The following LRP1B variants were observed in gnomAD, a reference collection of about 807,000 sequenced individuals.
LRP1B encodes the protein LDL receptor related protein 1B.
A neutral mutation model predicts 556.6 loss-of-function variants in LRP1B; 217 were observed. That is an observed-to-expected ratio of 0.39 (90% CI 0.35 to 0.44). The LOEUF is 0.44. Ranked by LOEUF, LRP1B falls within the 20% of genes least tolerant of loss-of-function variation. The probability of loss-of-function intolerance (pLI) is 1.00; values close to 1 mark genes in which losing one functional copy is unlikely to be tolerated. For missense variants in LRP1B, 5,053 were observed against 5,620.8 expected (o/e 0.90, Z 3.23); for synonymous variants, 2,047 against 1,865.8 (o/e 1.10, Z -2.50).
At chr2:141,323,873 A>C (rs1477366784) in intron 3 of LRP1B, among the ~76,000 whole-genome samples, 6 of 151,190 alleles carry the variant, frequency 4.0e-5, no homozygotes, top group Admixed American at 1.3e-4. Flanking sequence ...ACATACACAC[A>C]TACCTGAACA....
At chr2:141,099,383 T>C (rs1463225607) in intron 7 of LRP1B, among the ~76,000 whole-genome samples, 1 of 152,224 alleles carries the variant, frequency 6.6e-6, no homozygotes, top group African/African-American at 2.4e-5. Context: ...AAACAGTAAT[T>C]TAATTGTGGA....
intron 53 of LRP1B, among the ~76,000 whole-genome samples, chr2:140,505,214 C>T (rs1689358875): frequency 6.6e-6 from 1 of 152,078 alleles, no homozygotes; most frequent in South Asian, 2.1e-4. Context: ...ACATTTAAGC[C>T]TTTTTATTAA....
At chr2:140,898,262 G>A (rs1204143729) in intron 23 of LRP1B, among the ~76,000 whole-genome samples, 1 of 152,022 alleles carries the variant, frequency 6.6e-6, no homozygotes, top group Non-Finnish European at 1.5e-5. Flanking sequence ...GGGTCTTTGG[G>A]TCTTCATTCT....
intron 35 of LRP1B, among the ~76,000 whole-genome samples, chr2:140,741,700 T>C (rs1688143916): frequency 6.6e-6 from 1 of 151,730 alleles, no homozygotes; most frequent in East Asian, 1.9e-4. Flanking sequence ...ATGTACTCAA[T>C]GTTTAACTCC....
chr2:141,867,258 A>C (rs1470068468), intron 1 of LRP1B, among the ~76,000 whole-genome samples: 3 of 152,060 alleles, frequency 2.0e-5, no homozygotes, highest in Non-Finnish European at 4.4e-5. Flanking sequence ...ATCTTTGAAC[A>C]CTGCCTTTCT....
At chr2:140,884,297 G>C (rs756652131) in intron 24 of LRP1B, among the ~76,000 whole-genome samples, 1 of 150,990 alleles carries the variant, frequency 6.6e-6, no homozygotes, top group Non-Finnish European at 1.5e-5. Flanking sequence ...CAACGTTGAG[G>C]TTGCAAAAAA....
chr2:141,454,201 T>A (rs538009176), intron 3 of LRP1B, among the ~76,000 whole-genome samples: 1 of 152,356 alleles, frequency 6.6e-6, no homozygotes, highest in South Asian at 2.1e-4. Context: ...GTTAAGAGAC[T>A]ATAATTTTGT....
intron 9 of LRP1B, among the ~76,000 whole-genome samples, chr2:141,055,604 A>T (rs183703421): frequency 2.5e-4 from 38 of 152,102 alleles, no homozygotes; most frequent in African/African-American, 7.9e-4. Context: ...TTCTAAAATG[A>T]ATACAAAGAT....
At chr2:140,320,924 C>A (rs1459353864) in intron 82 of LRP1B, among the ~76,000 whole-genome samples, 1 of 151,998 alleles carries the variant, frequency 6.6e-6, no homozygotes, top group Admixed American at 6.6e-5. Flanking sequence ...GGCATAGTGA[C>A]ACATACCTGT....
At chr2:140,465,182 A>G (rs1687493824) in intron 60 of LRP1B, among the ~76,000 whole-genome samples, 2 of 152,104 alleles carry the variant, frequency 1.3e-5, no homozygotes, top group South Asian at 4.1e-4. Context: ...AAACAGGAGC[A>G]AGATGCACGT....
At chr2:140,439,538 A>G (rs1259522799) in intron 66 of LRP1B, among the ~76,000 whole-genome samples, 1 of 152,172 alleles carries the variant, frequency 6.6e-6, no homozygotes, top group Non-Finnish European at 1.5e-5. Flanking sequence ...GATGTTCTTT[A>G]AAGACCTTTA....
At chr2:140,483,341 T>G (rs1444247561) in intron 59 of LRP1B, among the ~76,000 whole-genome samples, 2 of 151,876 alleles carry the variant, frequency 1.3e-5, no homozygotes, top group Non-Finnish European at 2.9e-5. Context: ...GGGTAATAAC[T>G]GTAACCTGGG....
chr2:141,876,732 C>G (rs990453921), intron 1 of LRP1B, among the ~76,000 whole-genome samples: 2 of 151,762 alleles, frequency 1.3e-5, no homozygotes, highest in Non-Finnish European at 2.9e-5. Flanking sequence ...GATATATAAG[C>G]AAGTTTCTTA....
intron 3 of LRP1B, among the ~76,000 whole-genome samples, chr2:141,296,639 T>G (rs1054845605): frequency 9.9e-5 from 15 of 152,238 alleles, no homozygotes; most frequent in Non-Finnish European, 2.9e-5. Context: ...CACATGGTTA[T>G]TTATTGCACT....
Position 140,526,228 on chromosome 2 carries a change from A to G in LRP1B, c.7876+9T>C, listed in dbSNP as rs1176245798. 1 of 1,606,596 alleles carries G rather than the reference A, an allele frequency of 6.2e-7. No homozygotes were observed. Among genetic ancestry groups the G allele is most frequent in the South Asian group, 1.1e-5 (1 of 90,892 alleles). On this transcript the variant is annotated intron_variant, in intron 48 of 90. Transcript: ENST00000389484. ...GCATAAACAGACAAAAGGTAGTGGA[A>G]TATCTTACTGCAGTTCTTTTCATCT...
chr2:140,629,415 A>G (rs1196656625), intron 41 of LRP1B, among the ~76,000 whole-genome samples: 2 of 152,098 alleles, frequency 1.3e-5, no homozygotes, highest in Non-Finnish European at 2.9e-5. Flanking sequence ...TACAGTGTAT[A>G]TGCCCTGTGA....
At chr2:141,265,093 C>G (rs192949172) in intron 3 of LRP1B, among the ~76,000 whole-genome samples, 1 of 152,152 alleles carries the variant, frequency 6.6e-6, no homozygotes, top group Admixed American at 6.5e-5. Context: ...CAAACTCTCT[C>G]GAGACTCCCA....
At chr2:141,937,698 A>G (rs915459767) in intron 1 of LRP1B, among the ~76,000 whole-genome samples, 1 of 151,858 alleles carries the variant, frequency 6.6e-6, no homozygotes, top group Non-Finnish European at 1.5e-5. Flanking sequence ...AGTTTGATGT[A>G]GCCCCGCTTG....
At chr2:140,809,845 A>T (rs2105027739) in intron 32 of LRP1B, among the ~76,000 whole-genome samples, 1 of 152,226 alleles carries the variant, frequency 6.6e-6, no homozygotes, top group East Asian at 1.9e-4. Flanking sequence ...GGGCTGCTTG[A>T]GTGTCCTCAT....
Sources: allele counts gnomAD v4.1 joint callset (sites outside exome capture counted in the v4.1 genomes callset), GRCh38; gene constraint gnomAD v4.1.1; transcripts MANE v1.5; gene names NCBI Gene and HGNC (gene_info 2026-07-23, HGNC 2026-07-21).